ZNF343: variants seen among roughly 807,000 people sequenced by gnomAD.
The protein encoded by ZNF343 is zinc finger protein 343.
A neutral mutation model predicts 13.8 loss-of-function variants in ZNF343; 11 were observed. The observed-to-expected ratio is 0.80, with a 90% confidence interval of 0.50 to 1.32. ZNF343 has a LOEUF of 1.32. Among genes scored for constraint, ZNF343 ranks in the 40% most tolerant of loss-of-function variants. The pLI, the probability that ZNF343 is intolerant of heterozygous loss-of-function variation, is 0.00. For synonymous variants in ZNF343, 248 were observed against 260.0 expected (o/e 0.95, Z 0.44); for missense variants, 658 against 714.2 (o/e 0.92, Z 0.90).
chr20:2,524,031 C>T (rs567606403), intron 1 of ZNF343, among the ~76,000 whole-genome samples: 1 of 150,326 alleles, frequency 6.7e-6, no homozygotes, highest in Admixed American at 6.6e-5. Context: ...TTTGAAAATA[C>T]TGCTTAGGAT....
At chr20:2,486,344 G>A (rs2122558855) in intron 5 of ZNF343, among the ~76,000 whole-genome samples, 1 of 152,308 alleles carries the variant, frequency 6.6e-6, no homozygotes. Context: ...TAGATTTACT[G>A]AGGCCATTTT....
In ZNF343 at chr20:2,493,924, T is replaced by C. The variant is rs376913248; in HGVS notation, c.-29A>G. On this transcript the variant is annotated 5_prime_UTR_variant, in exon 3 of 6. Transcript: ENST00000278772. Reference sequence around the variant, plus strand: ...GCCAGAGTCAGCCCAGTGTGTGCCTTGAAATTCTGCCAGAGGTCCAGGTAG... The same window carrying C: ...GCCAGAGTCAGCCCAGTGTGTGCCTCGAAATTCTGCCAGAGGTCCAGGTAG... 2.1e-5 allele frequency: 31 copies of C among 1,478,022 alleles called. No homozygotes were observed. Among genetic ancestry groups the C allele is most frequent in the Non-Finnish European group, 2.7e-5 (28 of 1,056,384 alleles). The allele number at this position is 1,478,022 out of a possible 1,614,324, so 91.6% of individuals were successfully genotyped here. A position where few individuals can be genotyped will look rare whatever the true frequency, so the allele number is the denominator to read the frequency against.
Position 2,483,069 on chromosome 20 carries a change from G to C in ZNF343, c.*92C>G. ...TTCACTCACAATCTGTGTACACAGG[G>C]TCTACTCCCCATGTGTCTCTCTGGG... On this transcript the variant is annotated 3_prime_UTR_variant, in exon 6 of 6. Coordinates refer to ENST00000278772, the MANE Select transcript of ZNF343 (RefSeq NM_024325.6). 2 of 1,419,130 alleles carry C rather than the reference G, an allele frequency of 1.4e-6. No homozygotes were observed. Among genetic ancestry groups the C allele is most frequent in the South Asian group, 2.8e-5 (2 of 72,668 alleles). The allele number at this position is 1,419,130 out of a possible 1,614,324, so 87.9% of individuals were successfully genotyped here. A position where few individuals can be genotyped will look rare whatever the true frequency, so the allele number is the denominator to read the frequency against.
chr20:2,509,751 T>C (rs1448520522), upstream of ZNF343, among the ~76,000 whole-genome samples: 1 of 152,174 alleles, frequency 6.6e-6, no homozygotes, highest in Non-Finnish European at 1.5e-5. Flanking sequence ...CAATTAGGGG[T>C]TTGCAGATCA....
rs2085709988 is a variant in ZNF343, at chr20:2,508,703, C to G, written c.-237+178G>C. ...CAAGCAGGGGCTCACCCCATCGCCT[C>G]GCCCCAATGAGCACCGCGAGCTGCG... On this transcript the variant is annotated intron_variant, in intron 1 of 5. Transcript: ENST00000278772. The surrounding 1 kb of genome is among the most constrained non-coding windows in gnomAD (Gnocchi z 4.5). 1 of 152,422 alleles carries G rather than the reference C, an allele frequency of 6.6e-6. No individual in the cohort carries two copies. The highest frequency in any genetic ancestry group is 2.4e-5 in the African/African-American group (1 of 41,482). 9.4% of individuals were successfully genotyped at this position (152,422 alleles called of 1,614,324 possible).
intron 1 of ZNF343, among the ~76,000 whole-genome samples, chr20:2,516,186 G>T (rs984724482): frequency 6.6e-6 from 1 of 152,058 alleles, no homozygotes; most frequent in African/African-American, 2.4e-5. Context: ...GAGAGTCGGG[G>T]TCACAGAGAT....
chr20:2,489,766 G>A (rs2085337049), intron 5 of ZNF343, among the ~76,000 whole-genome samples: 1 of 152,152 alleles, frequency 6.6e-6, no homozygotes, highest in African/African-American at 2.4e-5. Context: ...CCCCTGTGAA[G>A]GCTTTAAAGA....
intron 2 of ZNF343, among the ~76,000 whole-genome samples, chr20:2,499,382 G>A (rs1196816423): frequency 9.6e-6 from 1 of 104,300 alleles, no homozygotes; most frequent in South Asian, 3.1e-4. Context: ...GGAGAATGGC[G>A]TGAACCTGGG....
In ZNF343 at chr20:2,519,339, C is replaced by G. The variant is rs74496898; in HGVS notation, c.-347+5116G>C. On this transcript the variant is annotated intron_variant, in intron 1 of 6. Transcript: ENST00000358413. Reference sequence around the variant, plus strand: ...TCCCTCTGACCCTGTACCTCCAGCTCACTCTCACACTCACTCTGGTCCTAA... The same window carrying G: ...TCCCTCTGACCCTGTACCTCCAGCTGACTCTCACACTCACTCTGGTCCTAA... 7.9e-3 allele frequency among the ~76,000 whole-genome samples: 1,201 copies of G among 152,288 alleles called. 12 individuals are homozygous for G. Among genetic ancestry groups the G allele is most frequent in the African/African-American group, 0.026 (1,090 of 41,552 alleles).
intron 1 of ZNF343, among the ~76,000 whole-genome samples, chr20:2,521,815 G>C (rs116027792): frequency 6.6e-6 from 1 of 152,216 alleles, no homozygotes; most frequent in Non-Finnish European, 1.5e-5. Flanking sequence ...GGAGGGAAAA[G>C]CTGGGACATA....
At chr20:2,493,491 A>T (rs1178518975) in intron 4 of ZNF343, 28 bp downstream of exon 4, 11 of 539,732 alleles carry the variant, frequency 2.0e-5, no homozygotes, top group Non-Finnish European at 2.6e-5. Context: ...GCACTTCAGG[A>T]AAAAAAAAAA....
At chr20:2,498,356 C>T (rs1448674171) in intron 2 of ZNF343, among the ~76,000 whole-genome samples, 1 of 152,090 alleles carries the variant, frequency 6.6e-6, no homozygotes, top group Non-Finnish European at 1.5e-5. Context: ...AACTCCGTCT[C>T]CAAAAAAATA....
Position 2,483,969 on chromosome 20 carries a change from C to T in ZNF343, c.992G>A (p.Gly331Glu), listed in dbSNP as rs774379507. The change falls in exon 6 of 6, where the codon GGG becomes GAG. Residue 331 changes from glycine to glutamate, a missense_variant. Coordinates refer to ENST00000278772, the MANE Select transcript of ZNF343 (RefSeq NM_024325.6). Reference sequence around the variant, plus strand: ...GATGGACTTACTTCTAAAGCTTTGCCCACACTCCCTGCACAAATAAGGCTT... The same window carrying T: ...GATGGACTTACTTCTAAAGCTTTGCTCACACTCCCTGCACAAATAAGGCTT... ...EEKPYLCREC[G>E]QSFRSKSILN... The T allele has an allele frequency of 1.2e-5, 20 of 1,614,070 alleles. No homozygotes were observed. The Admixed American group carries it at 3.3e-4, about 27-fold the overall frequency.
rs754573101 is a variant in ZNF343, at chr20:2,483,831, C to A, written c.1130G>T (p.Gly377Val). 5.0e-6 allele frequency: 8 copies of A among 1,613,080 alleles called. No individual in the cohort carries two copies. Among genetic ancestry groups the A allele is most frequent in the Middle Eastern group, 1.6e-4 (1 of 6,074 alleles). The change falls in exon 6 of 6, where the codon GGT (glycine) becomes GTT (valine). Residue 377 changes from glycine to valine, a missense_variant. Physicochemically the swap from Gly to Val is moderately radical, Grantham distance 109 (BLOSUM62 -3). Transcript: ENST00000278772. ...SFIRHQRTHS[G>V]EKPYVCLECG... Reference sequence around the variant, plus strand: ...CTCCAGGCACACATAGGGTTTCTCACCGGAGTGTGTCCTCTGGTGTCTGAT... The same window carrying A: ...CTCCAGGCACACATAGGGTTTCTCAACGGAGTGTGTCCTCTGGTGTCTGAT...
Position 2,484,302 on chromosome 20 carries a change from C to T in ZNF343, c.659G>A (p.Arg220Lys). The stretch of plus-strand genomic sequence containing the variant: ...TTTGTCTAGCTGCACAGGGTTTGGT[C>T]TTTGGGCTGAGCTGGGCTCTGTTTC... ...VVETEPSSAQ[R>K]PNPVQLDKGL... Residue 220 changes from arginine (R) to lysine (K), a missense_variant, in exon 6 of 6, where the codon AGA (arginine) becomes AAA (lysine). Arg to Lys is a conservative substitution (Grantham distance 26). Coordinates refer to ENST00000278772, the MANE Select transcript of ZNF343 (RefSeq NM_024325.6). 1.2e-6 allele frequency: 2 copies of T among 1,614,194 alleles called. No individual in the cohort carries two copies. Among genetic ancestry groups the T allele is most frequent in the Non-Finnish European group, 1.7e-6 (2 of 1,180,030 alleles).
intron 5 of ZNF343, among the ~76,000 whole-genome samples, chr20:2,487,214 T>C (rs991060141): frequency 6.6e-6 from 1 of 152,202 alleles, no homozygotes; most frequent in Non-Finnish European, 1.5e-5. Flanking sequence ...GTAGGGATTT[T>C]CCCTCTCTTT....
chr20:2,493,896 G>T lies in ZNF343; in HGVS notation c.-1C>A. The T allele has an allele frequency of 6.2e-7, 1 of 1,604,342 alleles. No individual in the cohort carries two copies. The highest frequency in any genetic ancestry group is 8.5e-7 in the Non-Finnish European group (1 of 1,171,086). The stretch of plus-strand genomic sequence containing the variant: ...GTGCTGAAGGATAAGGCAACATCAT[G>T]GCGCCAGAGTCAGCCCAGTGTGTGC... On this transcript the variant is annotated 5_prime_UTR_variant, in exon 3 of 6. Transcript: ENST00000278772.
chr20:2,521,881 C>T (rs79110593), intron 1 of ZNF343, among the ~76,000 whole-genome samples: 3,209 of 152,272 alleles, frequency 0.021, 117 homozygotes, highest in African/African-American at 0.072. Flanking sequence ...TATGCCAGGC[C>T]GGAGGGGCTC....
intron 2 of ZNF343, among the ~76,000 whole-genome samples, chr20:2,499,968 C>T (rs1298545270): frequency 6.6e-6 from 1 of 152,100 alleles, no homozygotes; most frequent in Non-Finnish European, 1.5e-5. Flanking sequence ...GAATTACTGT[C>T]GATTTTGTTG....
Sources: allele counts gnomAD v4.1 joint callset (sites outside exome capture counted in the v4.1 genomes callset), GRCh38; gene constraint gnomAD v4.1.1; non-coding constraint Gnocchi (gnomAD v3.1); transcripts MANE v1.5; gene names NCBI Gene and HGNC (gene_info 2026-07-23, HGNC 2026-07-21).